The following EDIL3 variants were observed in gnomAD, a reference collection of about 807,000 sequenced individuals.
The protein encoded by EDIL3 is EGF-like repeat and discoidin I-like domain-containing protein 3.
In EDIL3, 37 loss-of-function variants were observed where a neutral mutation model predicts 67.4. The ratio of observed to expected loss-of-function variants is 0.55; its 90% confidence interval spans 0.42 to 0.72. The LOEUF (loss-of-function observed/expected upper bound fraction) is 0.72. Among genes scored for constraint, EDIL3 ranks in the 30% least tolerant of loss-of-function variants. The pLI, the probability that EDIL3 is intolerant of heterozygous loss-of-function variation, is 0.00. For missense variants in EDIL3, 527 were observed against 586.3 expected (o/e 0.90, Z 1.04); for synonymous variants, 195 against 196.3 (o/e 0.99, Z 0.05).
chr5:84,170,359 C>A (rs1748792370), intron 4 of EDIL3, among the ~76,000 whole-genome samples: 1 of 152,148 alleles, frequency 6.6e-6, no homozygotes, highest in Non-Finnish European at 1.5e-5. Context: ...TAGTAAGACC[C>A]AATGCCATTA....
intron 1 of EDIL3, among the ~76,000 whole-genome samples, chr5:84,256,324 G>A (rs992107800): frequency 1.6e-4 from 25 of 152,002 alleles, no homozygotes; most frequent in African/African-American, 5.6e-4. Context: ...GAGCTTAGTG[G>A]GAGAGATAAA....
At chr5:84,120,007 C>T (rs965826697) in intron 5 of EDIL3, among the ~76,000 whole-genome samples, 5 of 151,728 alleles carry the variant, frequency 3.3e-5, no homozygotes, top group African/African-American at 1.2e-4. Context: ...TCACAAAATG[C>T]CCCTTGGTAC....
At chr5:84,207,966 C>T (rs1415879150) in intron 3 of EDIL3, among the ~76,000 whole-genome samples, 1 of 152,052 alleles carries the variant, frequency 6.6e-6, no homozygotes, top group Admixed American at 6.6e-5. Flanking sequence ...CTAGGCATTA[C>T]CATTCAGGAC....
intron 9 of EDIL3, among the ~76,000 whole-genome samples, chr5:84,031,027 C>T (rs1270886283): frequency 6.6e-6 from 1 of 152,070 alleles, no homozygotes; most frequent in East Asian, 1.9e-4. Flanking sequence ...TTGTGAATGG[C>T]CATCTTCTCT....
intron 10 of EDIL3, among the ~76,000 whole-genome samples, chr5:83,951,102 C>T (rs1463049231): frequency 6.6e-6 from 1 of 151,614 alleles, no homozygotes; most frequent in African/African-American, 2.4e-5. Flanking sequence ...TATTTAACTT[C>T]AAAAATCTAA....
intron 1 of EDIL3, among the ~76,000 whole-genome samples, chr5:84,339,606 T>A (rs1031474003): frequency 7.4e-6 from 1 of 134,882 alleles, no homozygotes; most frequent in African/African-American, 2.7e-5. Flanking sequence ...AAATACTGTG[T>A]TTTTTTTTAA....
chr5:84,363,659 T>G (rs1165478207), intron 1 of EDIL3, among the ~76,000 whole-genome samples: 1 of 152,108 alleles, frequency 6.6e-6, no homozygotes, highest in Non-Finnish European at 1.5e-5. Flanking sequence ...CTGAAAAAAT[T>G]GAAATTTTGG....
intron 4 of EDIL3, among the ~76,000 whole-genome samples, chr5:84,167,677 G>T (rs916080505): frequency 6.6e-6 from 1 of 152,074 alleles, no homozygotes; most frequent in Non-Finnish European, 1.5e-5. Flanking sequence ...TAAATTGACA[G>T]GGCATCACCA....
In EDIL3 at chr5:84,235,084, G is replaced by A. The variant is rs545633074; in HGVS notation, c.197-5200C>T. On this transcript the variant is annotated intron_variant, in intron 2 of 10. Coordinates refer to ENST00000296591, the MANE Select transcript of EDIL3 (RefSeq NM_005711.5). The stretch of plus-strand genomic sequence containing the variant: ...GAAGGATATGGAGTTGCCTGCGGAC[G>A]TATCCATAGAAGTACTGAGAGAGAG... 1.7e-4 allele frequency among the ~76,000 whole-genome samples: 26 copies of A among 152,206 alleles called. No homozygotes were observed. In the South Asian group the frequency reaches 2.1e-3, roughly 12 times the overall value.
At position 84,180,396 on chromosome 5, in the gene EDIL3, G is replaced by A. The variant is rs1748994195; in HGVS notation, c.352C>T (p.His118Tyr). ...ACAATGACTATGAATAACTTACTGT[G>A]CTGACAGTGAATCCCATTAAATCCT... ...PRGFNGIHCQ[H>Y]NINECEVEPC... The change falls in exon 4 of 11, where the codon CAC (histidine) becomes TAC (tyrosine). Residue 118 changes from histidine (H) to tyrosine (Y), a missense_variant. His to Tyr is a moderately conservative substitution (Grantham distance 83). Coordinates refer to ENST00000296591, the MANE Select transcript of EDIL3 (RefSeq NM_005711.5). The A allele has an allele frequency of 7.5e-6, 12 of 1,593,186 alleles. No individual in the cohort carries two copies. Among genetic ancestry groups the A allele is most frequent in the African/African-American group, 1.4e-5 (1 of 73,954 alleles).
intron 9 of EDIL3, among the ~76,000 whole-genome samples, chr5:83,981,031 C>A (rs1176664360): frequency 6.6e-6 from 1 of 151,972 alleles, no homozygotes; most frequent in African/African-American, 2.4e-5. Flanking sequence ...GGTTATGGAT[C>A]GGAAGACTTA....
chr5:84,382,779 G>A (rs1327265981), intron 1 of EDIL3, among the ~76,000 whole-genome samples: 1 of 152,158 alleles, frequency 6.6e-6, no homozygotes, highest in Non-Finnish European at 1.5e-5. Context: ...TAGTGGAGTG[G>A]CTGCCTTTGC....
At chr5:83,997,735 C>T (rs1482509053) in intron 9 of EDIL3, among the ~76,000 whole-genome samples, 1 of 152,114 alleles carries the variant, frequency 6.6e-6, no homozygotes, top group East Asian at 1.9e-4. Context: ...ATTGATCATC[C>T]TCCCGCAGGA....
chr5:84,192,618 T>C (rs1239838769), intron 3 of EDIL3, among the ~76,000 whole-genome samples: 1 of 152,040 alleles, frequency 6.6e-6, no homozygotes, highest in South Asian at 2.1e-4. Flanking sequence ...TTTCCATCCA[T>C]TGGTTCATTT....
chr5:84,216,347 A>G (rs141809648), intron 3 of EDIL3, among the ~76,000 whole-genome samples: 17 of 152,376 alleles, frequency 1.1e-4, no homozygotes, highest in African/African-American at 4.1e-4. Context: ...ATTTAAAATA[A>G]TATATAAAGT....
At chr5:84,186,861 G>A (rs1743466620) in intron 3 of EDIL3, among the ~76,000 whole-genome samples, 1 of 151,928 alleles carries the variant, frequency 6.6e-6, no homozygotes, top group African/African-American at 2.4e-5. Context: ...AGAAGACAAG[G>A]GCAATCTCAA....
chr5:83,948,405 G>A lies in EDIL3; in HGVS notation c.1294-4837C>T, dbSNP rs1394208934. Among the ~76,000 whole-genome samples the A allele has an allele frequency of 4.0e-5, 6 of 151,620 alleles. No individual in the cohort carries two copies. The South Asian group carries it at 6.2e-4, about 16-fold the overall frequency. ...AACTTGAATCAACGCTTTAAGTGAT[G>A]TAAAGTCTTATGAAAATTTTCACGG... On this transcript the variant is annotated intron_variant, in intron 10 of 10. Transcript: ENST00000296591.
intron 4 of EDIL3, among the ~76,000 whole-genome samples, chr5:84,166,974 G>A (rs1748716092): frequency 1.3e-5 from 2 of 152,196 alleles, no homozygotes; most frequent in South Asian, 4.1e-4. Context: ...CAAGAGAGAC[G>A]AACAGGAACG....
chr5:84,330,243 G>A (rs995378188), intron 1 of EDIL3, among the ~76,000 whole-genome samples: 12 of 152,118 alleles, frequency 7.9e-5, no homozygotes, highest in Admixed American at 5.9e-4. Context: ...AATGTAAAGA[G>A]AAAAGGTTTA....
Sources: gnomAD v4.1 joint callset for allele counts (sites outside exome capture counted in the v4.1 genomes callset) on GRCh38, gnomAD v4.1.1 for gene constraint, MANE v1.5 for transcripts, NCBI Gene and HGNC (gene_info 2026-07-23, HGNC 2026-07-21) for gene names.